IQCH: variants seen among roughly 807,000 people sequenced by gnomAD.
IQCH encodes IQ motif containing H, also known as IQ domain-containing protein H.
In IQCH, 98 loss-of-function variants were observed where a neutral mutation model predicts 117.0. That is an observed-to-expected ratio of 0.84 (90% CI 0.71 to 0.99). The LOEUF is 0.99. IQCH is among the 50% of genes least tolerant of loss of function. The probability of loss-of-function intolerance (pLI) is 0.00; values close to 1 mark genes in which losing one functional copy is unlikely to be tolerated. For missense variants in IQCH, 1,102 were observed against 1,243.8 expected, an observed-to-expected ratio of 0.89 and a Z score of 1.72; for synonymous variants, 412 against 448.2, an observed-to-expected ratio of 0.92 and a Z score of 1.02.
chr15:67,389,092 C>T, intron 12 of IQCH, 86 bp downstream of exon 12: 1 of 1,000,756 alleles, frequency 1.0e-6, no homozygotes, highest in Non-Finnish European at 1.5e-6. Context: ...CTCTGGTACA[C>T]ATCAGTGAAA....
rs931546143 is a variant in IQCH, at chr15:67,494,478, A to G, written c.2970+112A>G. 6 of 675,328 alleles carry G rather than the reference A, an allele frequency of 8.9e-6. No individual in the cohort carries two copies. Among genetic ancestry groups the G allele is most frequent in the Non-Finnish European group, 1.5e-5 (6 of 399,972 alleles). The allele number at this position is 675,328 out of a possible 1,614,324, so 41.8% of individuals were successfully genotyped here. ...CCATCTTTTTTTTATTGTAAGCAGT[A>G]CATATTTTACAGTGTGCAGGGTCAA... On this transcript the variant is annotated intron_variant, in intron 20 of 20. Transcript: ENST00000335894. The surrounding 1 kb of genome is among the most constrained non-coding windows in gnomAD (Gnocchi z 5.5).
chr15:67,336,885 C>G, intron 4 of IQCH, 90 bp from the exon 5 acceptor site: 1 of 1,270,068 alleles, frequency 7.9e-7, no homozygotes, highest in Non-Finnish European at 1.1e-6. Context: ...CTTAATGCAA[C>G]TATTCATAAC....
chr15:67,360,336 G>T (rs536483758), intron 8 of IQCH, among the ~76,000 whole-genome samples: 3 of 152,276 alleles, frequency 2.0e-5, no homozygotes, highest in African/African-American at 7.2e-5. Flanking sequence ...GTACAGATGG[G>T]ATTTAGAGTT....
At chr15:67,396,613 T>G (rs1240214955) in intron 13 of IQCH, among the ~76,000 whole-genome samples, 1 of 152,200 alleles carries the variant, frequency 6.6e-6, no homozygotes, top group Non-Finnish European at 1.5e-5. Flanking sequence ...TTTCCTAACC[T>G]CTGTTTCAGT....
rs1038077873 is a variant in IQCH at position 67,473,092 on chromosome 15, A to C, written c.2677-2604A>C. On this transcript the variant is annotated intron_variant, in intron 17 of 20. Transcript: ENST00000335894. The surrounding 1 kb of genome is among the most constrained non-coding windows in gnomAD (Gnocchi z 4.9). ...GGTCTGGTCTTGGTTTTTCTTGTTT[A>C]TATACTATGGCAGCATCAGACAAGT... Among the ~76,000 whole-genome samples the C allele has an allele frequency of 6.6e-6, 1 of 152,112 alleles. No homozygotes were observed. Among genetic ancestry groups the C allele is most frequent in the African/African-American group, 2.4e-5 (1 of 41,402 alleles).
intron 3 of IQCH, among the ~76,000 whole-genome samples, chr15:67,278,418 G>A (rs995138193): frequency 3.3e-5 from 5 of 152,158 alleles, no homozygotes; most frequent in South Asian, 4.1e-4. Context: ...ACTGAGCCTC[G>A]AGAAATTTGT....
At position 67,476,245 on chromosome 15, in the gene IQCH, ACT is replaced by A. The variant is rs1378106791; in HGVS notation, c.2799+428_2799+429del. ...TTGAGCCACAGAAGCGTATTTTCTC[ACT>A]GTCTGGCAGCTGGTACATCCAAGGA... On this transcript the variant is annotated intron_variant, in intron 18 of 20. Coordinates refer to ENST00000335894, the MANE Select transcript of IQCH (RefSeq NM_001031715.3). This position sits in a 1 kb window ranked among gnomAD's most constrained non-coding sequence, Gnocchi z 4.1. 6.6e-6 allele frequency among the ~76,000 whole-genome samples: 1 copy of A among 152,194 alleles called. No individual in the cohort carries two copies. The highest frequency in any genetic ancestry group is 2.4e-5 in the African/African-American group (1 of 41,454).
At chr15:67,345,703 C>G (rs894035987) in intron 6 of IQCH, among the ~76,000 whole-genome samples, 1 of 152,112 alleles carries the variant, frequency 6.6e-6, no homozygotes, top group Non-Finnish European at 1.5e-5. Context: ...CTGTCACAGA[C>G]CAGAGGAGCC....
intron 18 of IQCH, among the ~76,000 whole-genome samples, chr15:67,477,880 T>C (rs2083243820): frequency 6.6e-6 from 1 of 152,260 alleles, no homozygotes; most frequent in African/African-American, 2.4e-5. Flanking sequence ...CTTAAGACTT[T>C]GTATTTGACT....
intron 4 of IQCH, among the ~76,000 whole-genome samples, chr15:67,307,739 A>T (rs1567083672): frequency 2.0e-5 from 3 of 152,160 alleles, no homozygotes; most frequent in Non-Finnish European, 4.4e-5. Context: ...CACTAAAAAT[A>T]AAAAAAGGGA....
At chr15:67,373,650 T>A in intron 10 of IQCH, 1 of 639,026 alleles carries the variant, frequency 1.6e-6, no homozygotes, top group Non-Finnish European at 2.8e-6. Flanking sequence ...GGGCTGCTAT[T>A]CAGTGGAGAG....
chr15:67,372,444 T>C lies in IQCH; in HGVS notation c.1087T>C (p.Tyr363His). The C allele has an allele frequency of 1.2e-6, 2 of 1,613,942 alleles. No individual in the cohort carries two copies. The highest frequency in any genetic ancestry group is 1.3e-5 in the African/African-American group (1 of 74,954). ...QMLINLPGQR[Y>H]KGQDGNSEAA... ...GCTGATAAATCTTCCAGGGCAAAGG[T>C]ACAAGGGCCAAGATGGAAATTCGGA... is the stretch of plus-strand genomic sequence containing the variant. The change falls in exon 9 of 21, where the codon TAC becomes CAC. Residue 363 changes from tyrosine to histidine, a missense_variant. By Grantham distance (83) the Tyr-to-His change is moderately conservative. This residue lies in a region of IQCH where 452 missense variants were observed against 449.6 expected (regional missense o/e 1.01). Transcript: ENST00000335894.
intron 16 of IQCH, among the ~76,000 whole-genome samples, chr15:67,461,421 A>G (rs753317078): frequency 6.6e-6 from 1 of 152,234 alleles, no homozygotes; most frequent in South Asian, 2.1e-4. Flanking sequence ...TGCCCCAGAC[A>G]CGAGGTGCTG....
At chr15:67,266,279 A>G (rs1422435894) in intron 3 of IQCH, among the ~76,000 whole-genome samples, 1 of 152,146 alleles carries the variant, frequency 6.6e-6, no homozygotes, top group Non-Finnish European at 1.5e-5. Flanking sequence ...AGTTCTTGCT[A>G]ACAGTGTTCA....
intron 16 of IQCH, among the ~76,000 whole-genome samples, chr15:67,451,253 T>C (rs1167072500): frequency 2.6e-5 from 4 of 152,222 alleles, no homozygotes; most frequent in African/African-American, 9.6e-5. Flanking sequence ...AGTTATTTCT[T>C]GCCTTCTGCT....
rs12324659 is a variant in IQCH, at chr15:67,404,477, C to A, written c.2097+4172C>A. 3 of 152,012 alleles carry A rather than the reference C, an allele frequency of 2.0e-5. No individual in the cohort carries two copies. The highest frequency in any genetic ancestry group is 2.9e-5 in the Non-Finnish European group (2 of 68,036). The allele number at this position is 152,012 out of a possible 1,614,324, so 9.4% of individuals were successfully genotyped here. A position where few individuals can be genotyped will look rare whatever the true frequency, so the allele number is the denominator to read the frequency against. On this transcript the variant is annotated intron_variant, in intron 14 of 20. Coordinates refer to ENST00000335894, the MANE Select transcript of IQCH (RefSeq NM_001031715.3). This position sits in a 1 kb window ranked among gnomAD's most constrained non-coding sequence, Gnocchi z 4.6. ...ATTAGGTGATCCCAAAGAGCCATTGCTTGTAATCACATCATTTTTAGAAAA... is the reference window on the plus strand; with the variant it reads ...ATTAGGTGATCCCAAAGAGCCATTGATTGTAATCACATCATTTTTAGAAAA...
intron 3 of IQCH, among the ~76,000 whole-genome samples, chr15:67,272,372 G>A (rs1360667228): frequency 6.6e-6 from 1 of 152,146 alleles, no homozygotes; most frequent in East Asian, 1.9e-4. Flanking sequence ...AACGTTCCAT[G>A]TGCTGATAAA....
At chr15:67,357,920 A>T (rs966863737) in intron 7 of IQCH, among the ~76,000 whole-genome samples, 1 of 151,958 alleles carries the variant, frequency 6.6e-6, no homozygotes, top group South Asian at 2.1e-4. Context: ...AGTGCAGTGC[A>T]CTATGTCGAC....
chr15:67,276,059 C>T (rs1050945646), intron 3 of IQCH, among the ~76,000 whole-genome samples: 3 of 152,068 alleles, frequency 2.0e-5, no homozygotes, highest in African/African-American at 7.2e-5. Flanking sequence ...CATTTTAACA[C>T]ATCTATATGT....
Sources: allele counts gnomAD v4.1 joint callset (sites outside exome capture counted in the v4.1 genomes callset), GRCh38; gene constraint gnomAD v4.1.1; regional missense constraint gnomAD v4.1.1; non-coding constraint Gnocchi (gnomAD v3.1); transcripts MANE v1.5; gene names NCBI Gene and HGNC (gene_info 2026-07-23, HGNC 2026-07-21).